The following CCSER1 variants were observed in gnomAD, a reference collection of about 807,000 sequenced individuals.
The protein encoded by CCSER1 is serine-rich coiled-coil domain-containing protein 1.
In CCSER1, 41 loss-of-function variants were observed where a neutral mutation model predicts 82.0. That is an observed-to-expected ratio of 0.50 (90% CI 0.39 to 0.65). The LOEUF (loss-of-function observed/expected upper bound fraction) is 0.65. Among genes scored for constraint, CCSER1 ranks in the 30% least tolerant of loss-of-function variants. CCSER1 has a pLI of 0.00. For synonymous variants in CCSER1, 414 were observed against 383.9 expected (o/e 1.08, Z -0.92); for missense variants, 1,119 against 1,064.2 (o/e 1.05, Z -0.72).
chr4:91,256,621 G>A (rs1021953404), intron 10 of CCSER1, among the ~76,000 whole-genome samples: 3 of 151,932 alleles, frequency 2.0e-5, no homozygotes, highest in Non-Finnish European at 2.9e-5. Flanking sequence ...CGACACTTAG[G>A]GAAATAGAAA....
intron 1 of CCSER1, among the ~76,000 whole-genome samples, chr4:90,132,836 T>C (rs1031867057): frequency 5.9e-5 from 9 of 152,326 alleles, no homozygotes; most frequent in Admixed American, 3.3e-4. Flanking sequence ...TTAAACTTGA[T>C]TAAAAGTTTT....
chr4:90,182,451 T>G (rs1315123937), intron 1 of CCSER1, among the ~76,000 whole-genome samples: 1 of 152,152 alleles, frequency 6.6e-6, no homozygotes, highest in Non-Finnish European at 1.5e-5. Flanking sequence ...TCTTTACCGA[T>G]GTCTCTCTAG....
At chr4:90,161,684 TTAA>T (rs1368252530) in intron 1 of CCSER1, among the ~76,000 whole-genome samples, 1 of 152,116 alleles carries the variant, frequency 6.6e-6, no homozygotes, top group Non-Finnish European at 1.5e-5. Flanking sequence ...TCAGTGTGAA[TTAA>T]TAATAATAGG....
At chr4:90,390,492 A>T (rs1215123188) in intron 3 of CCSER1, among the ~76,000 whole-genome samples, 1 of 152,082 alleles carries the variant, frequency 6.6e-6, no homozygotes, top group East Asian at 1.9e-4. Context: ...CTTTTTGACC[A>T]GTATTACCCA....
chr4:91,538,189 T>A (rs1003752113), intron 10 of CCSER1, among the ~76,000 whole-genome samples: 12 of 152,168 alleles, frequency 7.9e-5, no homozygotes, highest in Non-Finnish European at 1.6e-4. Context: ...CATTCGTATG[T>A]ATGAGGAATG....
At chr4:91,050,356 G>C (rs1581426419) in intron 9 of CCSER1, among the ~76,000 whole-genome samples, 1 of 151,392 alleles carries the variant, frequency 6.6e-6, no homozygotes, top group African/African-American at 2.4e-5. Flanking sequence ...TCTTGAACCT[G>C]AGAGGCACAG....
At chr4:91,230,822 A>G (rs1429281434) in intron 10 of CCSER1, among the ~76,000 whole-genome samples, 1 of 152,066 alleles carries the variant, frequency 6.6e-6, no homozygotes, top group Non-Finnish European at 1.5e-5. Flanking sequence ...AATATACAAA[A>G]TAATGATCAA....
At chr4:90,460,318 C>A (rs1178392403) in intron 4 of CCSER1, among the ~76,000 whole-genome samples, 1 of 83,830 alleles carries the variant, frequency 1.2e-5, no homozygotes, top group African/African-American at 1.2e-4. Context: ...GAGCGAAACT[C>A]CGTCTCAAAA....
At chr4:91,040,623 C>T (rs1741880403) in intron 9 of CCSER1, among the ~76,000 whole-genome samples, 1 of 152,142 alleles carries the variant, frequency 6.6e-6, no homozygotes, top group South Asian at 2.1e-4. Context: ...TGTGTTGAGG[C>T]TCATCAGTGG....
intron 3 of CCSER1, among the ~76,000 whole-genome samples, chr4:90,347,601 A>G (rs1233738310): frequency 6.6e-6 from 1 of 152,040 alleles, no homozygotes; most frequent in Non-Finnish European, 1.5e-5. Flanking sequence ...TGCATGCTGA[A>G]TATGTCCCCT....
Position 91,285,318 on chromosome 4 carries a change from T to C in CCSER1, c.2217+199324T>C, listed in dbSNP as rs143399624. Among the ~76,000 whole-genome samples the C allele has an allele frequency of 1.7e-3, 260 of 151,606 alleles. 2 individuals carry two copies. Among genetic ancestry groups the C allele is most frequent in the African/African-American group, 5.8e-3 (242 of 41,436 alleles). ...TCCTTGTGCTATATGTTATATTTCA[T>C]TGAATATAGGAAATGCTGTTATGGA... On this transcript the variant is annotated intron_variant, in intron 10 of 10. Transcript: ENST00000509176.
chr4:90,295,456 C>T (rs1731687877), intron 1 of CCSER1, among the ~76,000 whole-genome samples: 1 of 151,842 alleles, frequency 6.6e-6, no homozygotes, highest in African/African-American at 2.4e-5. Context: ...CTATAAATTT[C>T]CTGTTACTAT....
chr4:91,358,410 T>TTTC (rs1553927779), intron 10 of CCSER1, among the ~76,000 whole-genome samples: 1 of 146,982 alleles, frequency 6.8e-6, no homozygotes, highest in Admixed American at 6.8e-5. Flanking sequence ...TTTTTTTTTT[T>TTTC]CCCGAGACAA....
chr4:91,481,840 C>CTACAG (rs1374585022), intron 10 of CCSER1, among the ~76,000 whole-genome samples: 1 of 152,016 alleles, frequency 6.6e-6, no homozygotes, highest in Admixed American at 6.6e-5. Flanking sequence ...AACAGGCAAC[C>CTACAG]TACAGAATGG....
rs1180080258 is a variant in CCSER1, at chr4:91,085,936, C to G, written c.2173-14C>G. 6.9e-7 allele frequency: 1 copy of G among 1,453,504 alleles called. No homozygotes were observed. The allele number at this position is 1,453,504 out of a possible 1,614,324, so 90.0% of individuals were successfully genotyped here. ...TCGTTGCCAATAATAATATACTTTG[C>G]TTTTCTTTTTCAGGGTTTAAACTTG... On this transcript the variant is annotated splice_polypyrimidine_tract_variant and intron_variant, in intron 9 of 10. Coordinates refer to ENST00000509176, the MANE Select transcript of CCSER1 (RefSeq NM_001145065.2).
At chr4:90,341,694 T>C (rs960460556) in intron 3 of CCSER1, among the ~76,000 whole-genome samples, 5 of 152,116 alleles carry the variant, frequency 3.3e-5, no homozygotes, top group African/African-American at 1.2e-4. Context: ...TTAGGCTGTT[T>C]AGACATTAAA....
chr4:90,383,549 G>A (rs530922548), intron 3 of CCSER1, among the ~76,000 whole-genome samples: 2 of 152,202 alleles, frequency 1.3e-5, no homozygotes, highest in South Asian at 2.1e-4. Context: ...GCCTTCTAAA[G>A]AAATGGCTCT....
rs1757380298 is a variant in CCSER1, at chr4:90,805,422, A to G, written c.2011-10340A>G. The stretch of plus-strand genomic sequence containing the variant: ...GTGGTTTCTGCTTCTCAGCATGGCT[A>G]CTGGGTTCTTTCTGCAAAGGAGTAA... On this transcript the variant is annotated intron_variant, in intron 7 of 10. Transcript: ENST00000509176. Among the ~76,000 whole-genome samples, 3 of 152,196 alleles carry G rather than the reference A, an allele frequency of 2.0e-5. No homozygotes were observed. The South Asian group carries it at 6.2e-4, about 31-fold the overall frequency.
At chr4:91,382,219 C>A (rs141473032) in intron 10 of CCSER1, among the ~76,000 whole-genome samples, 2,986 of 152,202 alleles carry the variant, frequency 0.02, 77 homozygotes, top group African/African-American at 0.067. Flanking sequence ...ACTCTCTTCA[C>A]AGCTGTCAGA....
Sources: gnomAD v4.1 joint callset for allele counts (sites outside exome capture counted in the v4.1 genomes callset) on GRCh38, gnomAD v4.1.1 for gene constraint, MANE v1.5 for transcripts, NCBI Gene and HGNC (gene_info 2026-07-23, HGNC 2026-07-21) for gene names.